Variants in EMID1 observed in about 807,000 individuals in gnomAD.
EMID1 encodes EMI domain-containing protein 1.
Under a neutral mutation model 60.6 loss-of-function variants are expected in EMID1, and 40 were observed. The observed-to-expected ratio is 0.66, with a 90% CI of 0.51 to 0.86. The LOEUF (loss-of-function observed/expected upper bound fraction) is 0.86, where lower values mean the gene tolerates loss of function less well. Ranked by LOEUF, EMID1 falls within the 40% of genes least tolerant of loss-of-function variation. The pLI, the probability that EMID1 is intolerant of heterozygous loss-of-function variation, is 0.00. For missense variants in EMID1, 585 were observed against 597.1 expected, an observed-to-expected ratio of 0.98 and a Z score of 0.21; for synonymous variants, 242 against 231.0, an observed-to-expected ratio of 1.05 and a Z score of -0.43.
intron 14 of EMID1, chr22:29,255,560 G>C: frequency 2.3e-6 from 1 of 437,682 alleles, no homozygotes; most frequent in East Asian, 3.3e-5. Context: ...CTCTGTGCCA[G>C]GCACCTTGCT....
chr22:29,224,244 G>A (rs895866460), intron 3 of EMID1, among the ~76,000 whole-genome samples: 4 of 152,186 alleles, frequency 2.6e-5, no homozygotes, highest in East Asian at 1.9e-4. Flanking sequence ...GCCCCGCTCC[G>A]AGCTGCCAGG....
chr22:29,238,101 A>G lies in EMID1; in HGVS notation c.1074+3752A>G, dbSNP rs555427313. Among the ~76,000 whole-genome samples, 5 of 142,442 alleles carry G rather than the reference A, an allele frequency of 3.5e-5. 1 individual carries two copies. Among genetic ancestry groups the G allele is most frequent in the Middle Eastern group, 7.1e-3 (2 of 282 alleles). 93.4% of individuals were successfully genotyped at this position (142,442 alleles called of 152,430 possible). A position where few individuals can be genotyped will look rare whatever the true frequency, so the allele number is the denominator to read the frequency against. On this transcript the variant is annotated intron_variant, in intron 12 of 14. Coordinates refer to ENST00000334018, the MANE Select transcript of EMID1 (RefSeq NM_133455.4). Reference sequence around the variant, plus strand: ...AGGTTGATGTGTTTTTTTCCTCTCAATACTTGGTATATTACTCTCCACTCT... The same window carrying G: ...AGGTTGATGTGTTTTTTTCCTCTCAGTACTTGGTATATTACTCTCCACTCT...
At chr22:29,212,066 A>G (rs1297381305) in intron 1 of EMID1, among the ~76,000 whole-genome samples, 2 of 151,716 alleles carry the variant, frequency 1.3e-5, no homozygotes, top group East Asian at 3.9e-4. Flanking sequence ...GCTCACTGCA[A>G]CCTCTGCCTC....
At chr22:29,254,401 T>C in intron 14 of EMID1, 114 bp downstream of exon 14, 6 of 1,013,626 alleles carry the variant, frequency 5.9e-6, no homozygotes, top group Non-Finnish European at 9.2e-6. Context: ...AGAAGGTGCC[T>C]GCCCCAGGCA....
chr22:29,218,787 C>G (rs1346041934), intron 3 of EMID1, among the ~76,000 whole-genome samples: 1 of 152,206 alleles, frequency 6.6e-6, no homozygotes, highest in Non-Finnish European at 1.5e-5. Context: ...CAGTAAACCC[C>G]ATGTCACTCT....
intron 10 of EMID1, 61 bp from the exon 11 acceptor site, chr22:29,234,076 C>T: frequency 1.9e-6 from 3 of 1,544,906 alleles, no homozygotes; most frequent in Non-Finnish European, 2.6e-6. Context: ...CCTCTGTTCC[C>T]AAGCCCCTGC....
At chr22:29,216,658 A>G in intron 3 of EMID1, 1 of 985,434 alleles carries the variant, frequency 1.0e-6, no homozygotes, top group Non-Finnish European at 1.2e-6. Flanking sequence ...AGATTTGCAC[A>G]CTTCACCTCC....
chr22:29,232,606 CAGGG>C, intron 8 of EMID1: 6 of 580,616 alleles, frequency 1.0e-5, no homozygotes, highest in Non-Finnish European at 1.4e-5. Context: ...GGTGGCTTGC[CAGGG>C]TCCCACAGCC....
At chr22:29,253,069 G>A (rs774954455) in intron 13 of EMID1, among the ~76,000 whole-genome samples, 7 of 152,308 alleles carry the variant, frequency 4.6e-5, no homozygotes, top group African/African-American at 1.4e-4. Context: ...ACAATTGTGC[G>A]AAAGCAATAT....
intron 12 of EMID1, among the ~76,000 whole-genome samples, chr22:29,240,264 T>C (rs1026316713): frequency 2.0e-5 from 3 of 152,208 alleles, no homozygotes; most frequent in Admixed American, 6.5e-5. Flanking sequence ...GATATTTCCC[T>C]TCTTTCATGT....
intron 3 of EMID1, among the ~76,000 whole-genome samples, chr22:29,217,972 A>G (rs1464290687): frequency 1.3e-5 from 2 of 152,186 alleles, no homozygotes; most frequent in Non-Finnish European, 2.9e-5. Flanking sequence ...GGGTGGGCCA[A>G]AGGAGGAGAG....
At chr22:29,243,739 C>T (rs1050710506) in intron 13 of EMID1, among the ~76,000 whole-genome samples, 1 of 152,238 alleles carries the variant, frequency 6.6e-6, no homozygotes, top group Non-Finnish European at 1.5e-5. Flanking sequence ...GTCCCTGTCT[C>T]CACCTTCCCT....
chr22:29,213,216 A>G (rs2039959050), intron 1 of EMID1, among the ~76,000 whole-genome samples: 2 of 152,186 alleles, frequency 1.3e-5, no homozygotes, highest in African/African-American at 4.8e-5. Flanking sequence ...CAGCACGCAG[A>G]GACCTCGGGC....
In EMID1 at chr22:29,259,175, G is replaced by T; in HGVS notation, c.*231G>T. 1.6e-6 allele frequency: 1 copy of T among 622,646 alleles called. No individual in the cohort carries two copies. Among genetic ancestry groups the T allele is most frequent in the African/African-American group, 1.9e-5 (1 of 52,152 alleles). 38.6% of individuals were successfully genotyped at this position (622,646 alleles called of 1,614,324 possible). ...CTCAGTTTCCCTCTGTGAAGTGGGG[G>T]GAGGCAGGCCTTCAAGGAGGGATAG... On this transcript the variant is annotated 3_prime_UTR_variant, in exon 15 of 15. Transcript: ENST00000334018.
At position 29,259,053 on chromosome 22, in the gene EMID1, C is replaced by G. The variant is rs1022950250; in HGVS notation, c.*109C>G. ...CCATATTTATTAATGTCCTCAGGGT[C>G]CCTTCTGCCATCTAGGCCTTAGGGG... is the stretch of plus-strand genomic sequence containing the variant. On this transcript the variant is annotated 3_prime_UTR_variant, in exon 15 of 15. Transcript: ENST00000334018. 2.0e-6 allele frequency: 3 copies of G among 1,493,934 alleles called. No individual in the cohort carries two copies. In the East Asian group the frequency reaches 7.5e-5, roughly 37 times the overall value. The allele number at this position is 1,493,934 out of a possible 1,614,324, so 92.5% of individuals were successfully genotyped here.
chr22:29,206,788 A>G (rs903631368), intron 1 of EMID1, among the ~76,000 whole-genome samples: 1 of 152,276 alleles, frequency 6.6e-6, no homozygotes, highest in South Asian at 2.1e-4. Context: ...GTCCTCATCA[A>G]TCCTTGAAGG....
At chr22:29,222,874 G>A (rs1203475899) in intron 3 of EMID1, among the ~76,000 whole-genome samples, 3 of 152,076 alleles carry the variant, frequency 2.0e-5, no homozygotes, top group East Asian at 3.9e-4. Context: ...GGTGGATCAC[G>A]AGGTCGGGAG....
chr22:29,211,614 G>A (rs982378839), intron 1 of EMID1, among the ~76,000 whole-genome samples: 1 of 152,084 alleles, frequency 6.6e-6, no homozygotes, highest in Non-Finnish European at 1.5e-5. Context: ...TCACTGCCAT[G>A]CATATTTGCT....
At position 29,258,790 on chromosome 22, in the gene EMID1, G is replaced by A. The variant is rs372765085; in HGVS notation, c.1205-27G>A. ...CACCTCACATGAACCCCTCTAATGT[G>A]GCCTCTCTCCTTCTTCCCTCCGGCA... On this transcript the variant is annotated intron_variant, in intron 14 of 14. Transcript: ENST00000334018. 12 of 1,612,338 alleles carry A rather than the reference G, an allele frequency of 7.4e-6. No homozygotes were observed. The African/African-American group carries it at 1.5e-4, about 20-fold the overall frequency.
Sources: gnomAD v4.1 joint callset for allele counts (sites outside exome capture counted in the v4.1 genomes callset) on GRCh38, gnomAD v4.1.1 for gene constraint, MANE v1.5 for transcripts, NCBI Gene and HGNC (gene_info 2026-07-23, HGNC 2026-07-21) for gene names.